Variants in CACNA1D observed in about 807,000 individuals in gnomAD.
CACNA1D encodes the protein calcium voltage-gated channel subunit alpha1 D, also known as voltage-dependent L-type calcium channel subunit alpha-1D.
Under a neutral mutation model 257.1 loss-of-function variants are expected in CACNA1D, and 55 were observed. That is an observed-to-expected ratio of 0.21 (90% CI 0.17 to 0.27). CACNA1D has a LOEUF of 0.27. Among genes scored for constraint, CACNA1D ranks in the 10% least tolerant of loss-of-function variants. The probability of loss-of-function intolerance (pLI) is 1.00; values close to 1 mark genes in which losing one functional copy is unlikely to be tolerated. For synonymous variants in CACNA1D, 980 were observed against 1,014.9 expected, an observed-to-expected ratio of 0.97 and a Z score of 0.65; for missense variants, 1,876 against 2,784.0, an observed-to-expected ratio of 0.67 and a Z score of 7.34.
In CACNA1D at chr3:53,747,341, T is replaced by C; in HGVS notation, c.3207T>C (p.Ser1069=). The change falls in exon 26 of 48, where the codon AGT becomes AGC. Residue 1069 remains serine, a synonymous_variant. Transcript: ENST00000350061. ...TCTACAAGGATGGGGATGTTGACAG[T>C]CCTGTGGTCCGTGAACGGATCTGGC... ...FILYKDGDVD[S]PVVRERIWQN... The C allele has an allele frequency of 6.2e-7, 1 of 1,613,986 alleles. No individual in the cohort carries two copies. Among genetic ancestry groups the C allele is most frequent in the Non-Finnish European group, 8.5e-7 (1 of 1,179,824 alleles).
chr3:53,744,834 AT>A lies in CACNA1D; in HGVS notation c.3006+9del. The A allele has an allele frequency of 6.5e-7, 1 of 1,545,470 alleles. No homozygotes were observed. Among genetic ancestry groups the A allele is most frequent in the Non-Finnish European group, 8.9e-7 (1 of 1,117,536 alleles). ...CAGAGCAAAAGGACTTAAGGTTTTG[AT>A]TCCTCTCCTCCCGGCTGGGCTGGCT... On this transcript the variant is annotated splice_region_variant and intron_variant, in intron 23 of 47. Transcript: ENST00000350061.
intron 8 of CACNA1D, among the ~76,000 whole-genome samples, chr3:53,692,353 G>C (rs943866713): frequency 1.3e-5 from 2 of 152,182 alleles, no homozygotes; most frequent in African/African-American, 2.4e-5. Context: ...GAGTGGGATA[G>C]TATCTGGAAG....
At chr3:53,737,026 C>T (rs1411539860) in intron 20 of CACNA1D, among the ~76,000 whole-genome samples, 1 of 151,974 alleles carries the variant, frequency 6.6e-6, no homozygotes, top group African/African-American at 2.4e-5. Flanking sequence ...GGTGGCCAGG[C>T]GTGGTGGCTC....
chr3:53,673,392 C>G lies in CACNA1D; in HGVS notation c.1220+266C>G, dbSNP rs1283766502. 2.0e-5 allele frequency among the ~76,000 whole-genome samples: 3 copies of G among 152,028 alleles called. No homozygotes were observed. Among genetic ancestry groups the G allele is most frequent in the Non-Finnish European group, 4.4e-5 (3 of 68,004 alleles). ...ATTTAAACAATTTCCATAGCATGCC[C>G]TTTTTTTGTCTGTTCTAAAGTGAGA... On this transcript the variant is annotated intron_variant, in intron 8 of 47. Transcript: ENST00000350061. The surrounding 1 kb of genome is among the most constrained non-coding windows in gnomAD (Gnocchi z 4.1).
At chr3:53,757,523 C>A (rs911278894) in intron 29 of CACNA1D, among the ~76,000 whole-genome samples, 1 of 152,238 alleles carries the variant, frequency 6.6e-6, no homozygotes, top group African/African-American at 2.4e-5. Flanking sequence ...TGGCCTCAGC[C>A]CTTCTACCTA....
chr3:53,525,637 G>A (rs958603276), intron 3 of CACNA1D, among the ~76,000 whole-genome samples: 1 of 152,060 alleles, frequency 6.6e-6, no homozygotes, highest in Non-Finnish European at 1.5e-5. Flanking sequence ...AAGTCTGAAG[G>A]TGACCTATAT....
chr3:53,668,240 C>T (rs946453479), intron 7 of CACNA1D, among the ~76,000 whole-genome samples: 2 of 152,112 alleles, frequency 1.3e-5, no homozygotes, highest in African/African-American at 4.8e-5. Context: ...CATGCCTTGA[C>T]TGATGAAAAA....
At chr3:53,753,531 G>A in intron 28 of CACNA1D, 41 bp from the exon 29 acceptor site, 1 of 1,297,922 alleles carries the variant, frequency 7.7e-7, no homozygotes, top group Non-Finnish European at 1.1e-6. Context: ...GTGAGATCGT[G>A]GCTGAGGCTC....
intron 9 of CACNA1D, among the ~76,000 whole-genome samples, chr3:53,709,989 G>T (rs967548355): frequency 7.9e-5 from 12 of 152,130 alleles, no homozygotes; most frequent in African/African-American, 2.9e-4. Context: ...AGAGTCCAGA[G>T]CCCACCTTTT....
intron 3 of CACNA1D, among the ~76,000 whole-genome samples, chr3:53,566,360 G>C (rs1034189995): frequency 6.6e-6 from 1 of 152,104 alleles, no homozygotes; most frequent in African/African-American, 2.4e-5. Context: ...CCTTCTGCCT[G>C]TATGTGCTTC....
rs1439678459 is a variant in CACNA1D at position 53,791,178 on chromosome 3, C to G, written c.4923+4226C>G. ...GACCCCTTCCAAGCAAAGCACTCCT[C>G]CGGAAGGTGGAAGCGGGGCCGTGGC... On this transcript the variant is annotated intron_variant, in intron 40 of 47. Transcript: ENST00000350061. 5.0e-6 allele frequency: 3 copies of G among 603,468 alleles called. No individual in the cohort carries two copies. The East Asian group carries it at 8.4e-5, about 17-fold the overall frequency. The allele number at this position is 603,468 out of a possible 1,614,324, so 37.4% of individuals were successfully genotyped here.
chr3:53,519,508 C>A (rs536745058), intron 3 of CACNA1D, among the ~76,000 whole-genome samples: 1 of 152,194 alleles, frequency 6.6e-6, no homozygotes, highest in South Asian at 2.1e-4. Flanking sequence ...GTTCTGCAGC[C>A]AGGATCAGAT....
At chr3:53,530,957 C>T (rs1228631224) in intron 3 of CACNA1D, among the ~76,000 whole-genome samples, 1 of 151,950 alleles carries the variant, frequency 6.6e-6, no homozygotes, top group African/African-American at 2.4e-5. Context: ...AAGCAATCCT[C>T]CTACCTCAGC....
At position 53,800,577 on chromosome 3, in the gene CACNA1D, T is replaced by C; in HGVS notation, c.5040+212T>C. On this transcript the variant is annotated intron_variant, in intron 41 of 47. Coordinates refer to ENST00000350061, the MANE Select transcript of CACNA1D (RefSeq NM_001128840.3). This position sits in a 1 kb window ranked among gnomAD's most constrained non-coding sequence, Gnocchi z 4.3. ...GCCAGGCCAGCTCTTTCCCTGAGCTTACCCAGCTTCCCCTCACTGCCTGCT... is the reference window on the plus strand; with the variant it reads ...GCCAGGCCAGCTCTTTCCCTGAGCTCACCCAGCTTCCCCTCACTGCCTGCT... The C allele has an allele frequency of 1.6e-6, 1 of 621,562 alleles. No homozygotes were observed. The highest frequency in any genetic ancestry group is 3.0e-5 in the East Asian group (1 of 33,296). 38.5% of individuals were successfully genotyped at this position (621,562 alleles called of 1,614,324 possible).
intron 3 of CACNA1D, among the ~76,000 whole-genome samples, chr3:53,618,570 A>G (rs192309130): frequency 6.6e-6 from 1 of 152,220 alleles, no homozygotes; most frequent in African/African-American, 2.4e-5. Context: ...GCCTCCCCAA[A>G]TACAGCCAGA....
chr3:53,719,112 T>A (rs2094854761), intron 10 of CACNA1D, among the ~76,000 whole-genome samples: 1 of 152,176 alleles, frequency 6.6e-6, no homozygotes. Flanking sequence ...TTTGTTTGCT[T>A]CTTGCTGGTA....
intron 3 of CACNA1D, among the ~76,000 whole-genome samples, chr3:53,592,844 C>A (rs901053868): frequency 6.6e-6 from 1 of 152,250 alleles, no homozygotes; most frequent in East Asian, 1.9e-4. Flanking sequence ...CCTGCCACCA[C>A]GCCCAGCTAA....
intron 8 of CACNA1D, among the ~76,000 whole-genome samples, chr3:53,684,909 T>C (rs1291436758): frequency 6.6e-6 from 1 of 151,854 alleles, no homozygotes; most frequent in African/African-American, 2.4e-5. Context: ...AAAGGGGTAC[T>C]AAAAAGCTAA....
intron 33 of CACNA1D, 45 bp downstream of exon 33, chr3:53,772,943 GCC>G: frequency 6.6e-7 from 1 of 1,513,066 alleles, no homozygotes; most frequent in Non-Finnish European, 9.2e-7. Flanking sequence ...TCACTGGGTA[GCC>G]CCAAATCTGT....
Sources: gnomAD v4.1 joint callset for allele counts (sites outside exome capture counted in the v4.1 genomes callset) on GRCh38, gnomAD v4.1.1 for gene constraint, Gnocchi (gnomAD v3.1) non-coding constraint, MANE v1.5 for transcripts, NCBI Gene and HGNC (gene_info 2026-07-23, HGNC 2026-07-21) for gene names.